Variants in ADAMTS19 observed in about 807,000 individuals in gnomAD.
ADAMTS19 encodes the protein ADAM metallopeptidase with thrombospondin type 1 motif 19.
Under a neutral mutation model 153.3 loss-of-function variants are expected in ADAMTS19, and 93 were observed. The observed-to-expected ratio is 0.61, with a 90% CI of 0.51 to 0.72. ADAMTS19 has a LOEUF of 0.72. Among genes scored for constraint, ADAMTS19 ranks in the 30% least tolerant of loss-of-function variants. ADAMTS19 has a pLI of 0.00. For missense variants in ADAMTS19, 1,482 were observed against 1,552.1 expected (o/e 0.95, Z 0.76); for synonymous variants, 600 against 556.6 (o/e 1.08, Z -1.10).
intron 8 of ADAMTS19, among the ~76,000 whole-genome samples, chr5:129,605,261 A>G (rs1415398605): frequency 6.6e-6 from 1 of 152,148 alleles, no homozygotes; most frequent in South Asian, 2.1e-4. Flanking sequence ...ACTCTGTAAA[A>G]TCCCCAGCCC....
chr5:129,639,465 C>A (rs1277357985), intron 10 of ADAMTS19, among the ~76,000 whole-genome samples: 1 of 152,166 alleles, frequency 6.6e-6, no homozygotes, highest in Non-Finnish European at 1.5e-5. Context: ...TAAAAGACAT[C>A]TCTGAGAGAG....
intron 2 of ADAMTS19, 136 bp from the exon 3 acceptor site, chr5:129,508,941 G>A (rs1751347894): frequency 1.7e-6 from 1 of 577,780 alleles, no homozygotes; most frequent in Admixed American, 3.5e-5. Context: ...TACCTTGCTA[G>A]TGGGGTTGCT....
chr5:129,593,954 A>G (rs1750260110), intron 7 of ADAMTS19, among the ~76,000 whole-genome samples: 1 of 152,132 alleles, frequency 6.6e-6, no homozygotes, highest in African/African-American at 2.4e-5. Flanking sequence ...CCTTTGACCT[A>G]TATATCAAAT....
At chr5:129,502,729 T>G (rs898776981) in intron 2 of ADAMTS19, among the ~76,000 whole-genome samples, 7 of 152,298 alleles carry the variant, frequency 4.6e-5, no homozygotes, top group Non-Finnish European at 7.3e-5. Context: ...TACCTGCTCT[T>G]CAGAGCAGTG....
At chr5:129,719,757 T>C (rs556906881) in intron 21 of ADAMTS19, among the ~76,000 whole-genome samples, 1 of 152,266 alleles carries the variant, frequency 6.6e-6, no homozygotes, top group South Asian at 2.1e-4. Flanking sequence ...AAAACATTTA[T>C]CAGCTGGGCG....
chr5:129,570,919 T>C (rs1753880035), intron 7 of ADAMTS19, among the ~76,000 whole-genome samples: 1 of 151,934 alleles, frequency 6.6e-6, no homozygotes, highest in Non-Finnish European at 1.5e-5. Context: ...TGGAAACTGC[T>C]TTAACCTGAT....
intron 7 of ADAMTS19, among the ~76,000 whole-genome samples, chr5:129,564,153 T>G (rs778193614): frequency 6.6e-6 from 1 of 152,150 alleles, no homozygotes; most frequent in African/African-American, 2.4e-5. Flanking sequence ...AGGCACTGAA[T>G]TGTAGCAAAA....
intron 7 of ADAMTS19, among the ~76,000 whole-genome samples, chr5:129,578,111 T>A (rs990479147): frequency 1.1e-4 from 15 of 133,664 alleles, no homozygotes; most frequent in African/African-American, 4.0e-4. Flanking sequence ...TACATATGCA[T>A]GTATATGTAC....
At chr5:129,708,141 G>C (rs1756252428) in intron 21 of ADAMTS19, among the ~76,000 whole-genome samples, 1 of 152,092 alleles carries the variant, frequency 6.6e-6, no homozygotes, top group Admixed American at 6.6e-5. Context: ...AACAGATTAA[G>C]GTATATGCAA....
chr5:129,523,076 A>G (rs1238052322), intron 3 of ADAMTS19, among the ~76,000 whole-genome samples: 3 of 151,772 alleles, frequency 2.0e-5, no homozygotes, highest in African/African-American at 4.8e-5. Flanking sequence ...AAAAGAATCC[A>G]AGAGAAGATA....
At chr5:129,497,537 C>A (rs1408536245) in intron 2 of ADAMTS19, among the ~76,000 whole-genome samples, 2 of 152,132 alleles carry the variant, frequency 1.3e-5, no homozygotes, top group Non-Finnish European at 2.9e-5. Context: ...AAGTGCTCAT[C>A]AGAAACTTTG....
At chr5:129,648,775 A>G in intron 12 of ADAMTS19, 23 bp from the exon 13 acceptor site, 5 of 1,604,400 alleles carry the variant, frequency 3.1e-6, no homozygotes, top group Non-Finnish European at 3.4e-6. Context: ...CATAAAATTG[A>G]TTATTTGTAC....
At chr5:129,591,240 G>A (rs994782353) in intron 7 of ADAMTS19, among the ~76,000 whole-genome samples, 5 of 150,550 alleles carry the variant, frequency 3.3e-5, no homozygotes, top group African/African-American at 1.2e-4. Context: ...AATATCTTAT[G>A]TACATCTTTA....
intron 16 of ADAMTS19, among the ~76,000 whole-genome samples, chr5:129,678,994 T>G (rs1460744775): frequency 1.3e-5 from 2 of 152,120 alleles, no homozygotes; most frequent in Non-Finnish European, 2.9e-5. Context: ...AAACACTAAA[T>G]CATTTGAAGG....
intron 7 of ADAMTS19, among the ~76,000 whole-genome samples, chr5:129,557,168 T>C (rs769280748): frequency 6.6e-6 from 1 of 152,106 alleles, no homozygotes; most frequent in Non-Finnish European, 1.5e-5. Flanking sequence ...TATATAAATA[T>C]ATATATAAGG....
rs17165215 is a variant in ADAMTS19 at position 129,624,662 on chromosome 5, A to G, written c.1770+2314A>G. On this transcript the variant is annotated intron_variant, in intron 10 of 22. Transcript: ENST00000274487. The stretch of plus-strand genomic sequence containing the variant: ...CTCAGTAGATGATCAACTACACACG[A>G]TTCTGTTAAATTGTAGATTCTTTTC... Among the ~76,000 whole-genome samples the G allele has an allele frequency of 5.0e-3, 765 of 152,280 alleles. 6 individuals carry two copies. Among genetic ancestry groups the G allele is most frequent in the African/African-American group, 0.018 (728 of 41,560 alleles).
At chr5:129,718,581 A>T (rs1027079406) in intron 21 of ADAMTS19, among the ~76,000 whole-genome samples, 4 of 152,170 alleles carry the variant, frequency 2.6e-5, no homozygotes, top group African/African-American at 9.7e-5. Flanking sequence ...TAAAAAGTTG[A>T]AAGATAGAAC....
chr5:129,473,159 T>A (rs114959522), intron 2 of ADAMTS19, among the ~76,000 whole-genome samples: 2,494 of 150,536 alleles, frequency 0.017, 67 homozygotes, highest in African/African-American at 0.057. Flanking sequence ...TATTTGGATG[T>A]CAAATGTCCT....
chr5:129,641,734 C>T, intron 10 of ADAMTS19, 125 bp from the exon 11 acceptor site: 1 of 496,556 alleles, frequency 2.0e-6, no homozygotes, highest in Non-Finnish European at 3.6e-6. Context: ...TTTTAATTAC[C>T]TAAAGCATAT....
Sources: allele counts gnomAD v4.1 joint callset (sites outside exome capture counted in the v4.1 genomes callset), GRCh38; gene constraint gnomAD v4.1.1; transcripts MANE v1.5; gene names NCBI Gene and HGNC (gene_info 2026-07-23, HGNC 2026-07-21).